KSR2: variants seen among roughly 807,000 people sequenced by gnomAD.
The protein encoded by KSR2 is kinase suppressor of ras 2.
KSR2 carries 25 observed loss-of-function variants against 107.8 expected under a neutral mutation model. The observed-to-expected ratio is 0.23, with a 90% CI of 0.17 to 0.32. The LOEUF (loss-of-function observed/expected upper bound fraction) is 0.32, where lower values mean the gene tolerates loss of function less well. Among genes scored for constraint, KSR2 ranks in the 10% least tolerant of loss-of-function variants. KSR2 has a pLI of 1.00. For synonymous variants in KSR2, 480 were observed against 507.0 expected (o/e 0.95, Z 0.71); for missense variants, 887 against 1,268.9 (o/e 0.70, Z 4.57).
chr12:117,560,373 T>C (rs1015723563), intron 7 of KSR2, among the ~76,000 whole-genome samples: 3 of 151,924 alleles, frequency 2.0e-5, no homozygotes, highest in East Asian at 3.9e-4. Flanking sequence ...GGGCTCTGAA[T>C]TCCTCTCTGA....
intron 4 of KSR2, among the ~76,000 whole-genome samples, chr12:117,730,817 T>G (rs1435570575): frequency 6.6e-6 from 1 of 152,208 alleles, no homozygotes; most frequent in Non-Finnish European, 1.5e-5. Flanking sequence ...GTGCTCAATG[T>G]TGCCCAGGCT....
rs765298787 is a variant in KSR2 at position 117,770,111 on chromosome 12, T to G, written c.473-8587A>C. ...TCCTGGTCTTGGCAGGTGCTAACTC[T>G]GACAGAAAGAAAGCTCAGGGTTATC... On this transcript the variant is annotated intron_variant, in intron 3 of 19. Transcript: ENST00000339824. Among the ~76,000 whole-genome samples, 4 of 152,024 alleles carry G rather than the reference T, an allele frequency of 2.6e-5. No individual in the cohort carries two copies. In the South Asian group the frequency reaches 8.3e-4, roughly 32 times the overall value.
At chr12:117,924,403 T>C (rs1171575646) in intron 1 of KSR2, among the ~76,000 whole-genome samples, 1 of 146,694 alleles carries the variant, frequency 6.8e-6, no homozygotes, top group Non-Finnish European at 1.5e-5. Flanking sequence ...CCGTCTCTAC[T>C]AAAAAAAATA....
intron 4 of KSR2, among the ~76,000 whole-genome samples, chr12:117,671,128 T>C (rs1014651601): frequency 5.3e-5 from 8 of 152,236 alleles, no homozygotes; most frequent in African/African-American, 1.7e-4. Context: ...ATACCCTCTG[T>C]TGCTTTGCCT....
chr12:117,654,429 GT>G lies in KSR2; in HGVS notation c.1171+13044del, dbSNP rs551208251. 4.1e-3 allele frequency among the ~76,000 whole-genome samples: 619 copies of G among 152,298 alleles called. 5 individuals are homozygous for G. The highest frequency in any genetic ancestry group is 0.014 in the African/African-American group (590 of 41,562). On this transcript the variant is annotated intron_variant, in intron 5 of 19. Coordinates refer to ENST00000339824, the MANE Select transcript of KSR2 (RefSeq NM_173598.6). ...GACAGGAAGAGAAGACCAGGGCCTGGTTCACAGATGGTTCTGCACAATACGC... is the reference window on the plus strand; with the variant it reads ...GACAGGAAGAGAAGACCAGGGCCTGGTCACAGATGGTTCTGCACAATACGC...
rs554301787 is a variant in KSR2, at chr12:117,682,660, C to A, written c.987-15002G>T. Among the ~76,000 whole-genome samples, 19 of 152,216 alleles carry A rather than the reference C, an allele frequency of 1.2e-4. No homozygotes were observed. The South Asian group carries it at 3.1e-3, about 25-fold the overall frequency. On this transcript the variant is annotated intron_variant, in intron 4 of 19. Coordinates refer to ENST00000339824, the MANE Select transcript of KSR2 (RefSeq NM_173598.6). ...TCTCAAACTCCCGACCTCGGCTGACCCGCTGCCTCAGCCTCCCAAAGTGCT... is the reference window on the plus strand; with the variant it reads ...TCTCAAACTCCCGACCTCGGCTGACACGCTGCCTCAGCCTCCCAAAGTGCT...
Position 117,968,908 on chromosome 12 carries a change from CTG to C in KSR2, c.-655_-654del. ...CCTCCCCGCGCTGCTGCTGCTGCTGCTGCTGCCGCCGCCGGGCTCCGGGGGTG... is the reference window on the plus strand; with the variant it reads ...CCTCCCCGCGCTGCTGCTGCTGCTGCCTGCCGCCGCCGGGCTCCGGGGGTG... On this transcript the variant is annotated 5_prime_UTR_variant, in exon 1 of 20. It introduces an in-frame stop codon into an upstream open reading frame of the 5' UTR. Transcript: ENST00000339824. The C allele has an allele frequency of 3.9e-6, 1 of 258,296 alleles. No homozygotes were observed. Among genetic ancestry groups the C allele is most frequent in the Non-Finnish European group, 7.7e-6 (1 of 130,258 alleles). The allele number at this position is 258,296 out of a possible 1,614,324, so 16.0% of individuals were successfully genotyped here.
chr12:117,786,922 G>A (rs567819091), intron 3 of KSR2, among the ~76,000 whole-genome samples: 48 of 151,686 alleles, frequency 3.2e-4, no homozygotes, highest in Non-Finnish European at 3.5e-4. Context: ...CCAGCTACTC[G>A]GGAGGCTGAG....
intron 5 of KSR2, among the ~76,000 whole-genome samples, chr12:117,638,492 C>T (rs1350784602): frequency 6.7e-6 from 1 of 148,632 alleles, no homozygotes; most frequent in Non-Finnish European, 1.5e-5. Context: ...TAGCCCTGAA[C>T]GAATCTCAAA....
At chr12:117,637,675 G>GTTGTT (rs1883164645) in intron 5 of KSR2, among the ~76,000 whole-genome samples, 1 of 92,086 alleles carries the variant, frequency 1.1e-5, no homozygotes, top group East Asian at 4.8e-4. Context: ...TCAGTTTTGG[G>GTTGTT]TTTTTTTTTT....
intron 4 of KSR2, among the ~76,000 whole-genome samples, chr12:117,684,487 T>C (rs1885489029): frequency 6.6e-6 from 1 of 152,112 alleles, no homozygotes; most frequent in African/African-American, 2.4e-5. Context: ...GGGGTGGCAC[T>C]CCAGTGGATC....
chr12:117,713,348 CA>C (rs1207883524), intron 4 of KSR2, among the ~76,000 whole-genome samples: 2 of 150,818 alleles, frequency 1.3e-5, no homozygotes, highest in Non-Finnish European at 2.9e-5. Context: ...GCTAAGTAGA[CA>C]GTAGATAGAT....
chr12:117,789,488 A>G lies in KSR2; in HGVS notation c.473-27964T>C, dbSNP rs61937745. ...GAAAACTTACTAGGCAGCTACCACG[A>G]TTCCCTTTTAACTGGTGGCAAAACT... On this transcript the variant is annotated intron_variant, in intron 3 of 19. Transcript: ENST00000339824. Among the ~76,000 whole-genome samples, 1,436 of 152,304 alleles carry G rather than the reference A, an allele frequency of 9.4e-3. 19 individuals are homozygous for G. Among genetic ancestry groups the G allele is most frequent in the Non-Finnish European group, 0.016 (1,060 of 68,016 alleles).
intron 5 of KSR2, among the ~76,000 whole-genome samples, chr12:117,651,771 A>C (rs886367676): frequency 2.0e-5 from 3 of 152,212 alleles, no homozygotes; most frequent in Non-Finnish European, 4.4e-5. Context: ...GGGAGGGTCC[A>C]GAAGATATAC....
rs190698804 is a variant in KSR2, at chr12:117,922,277, G to A, written c.180+45799C>T. 3.1e-3 allele frequency among the ~76,000 whole-genome samples: 471 copies of A among 152,272 alleles called. 2 individuals carry two copies. Among genetic ancestry groups the A allele is most frequent in the African/African-American group, 9.8e-3 (407 of 41,572 alleles). ...TTTAACTTCTTCCCAGAGAAATTCT[G>A]TGAGAAATTCTCCCTAACTGGCTAA... is the stretch of plus-strand genomic sequence containing the variant. On this transcript the variant is annotated intron_variant, in intron 1 of 19. Coordinates refer to ENST00000339824, the MANE Select transcript of KSR2 (RefSeq NM_173598.6).
intron 11 of KSR2, among the ~76,000 whole-genome samples, chr12:117,531,441 C>G (rs1338010698): frequency 6.6e-6 from 1 of 152,280 alleles, no homozygotes; most frequent in East Asian, 1.9e-4. Flanking sequence ...CAGCACTCCA[C>G]CCTCTCAGGC....
In KSR2 at chr12:117,966,649, GCTGT is replaced by G. The variant is rs1368328830; in HGVS notation, c.180+1423_180+1426del. On this transcript the variant is annotated intron_variant, in intron 1 of 19. Transcript: ENST00000339824. ...CACACACACACACACACACACACAT[GCTGT>G]CTCTCTCTTTCTCTCTCTCCCTCCC... Among the ~76,000 whole-genome samples the G allele has an allele frequency of 6.7e-5, 5 of 74,734 alleles. No homozygotes were observed. The East Asian group carries it at 1.3e-3, about 20-fold the overall frequency. 49.0% of individuals were successfully genotyped at this position (74,734 alleles called of 152,430 possible). A position where few individuals can be genotyped will look rare whatever the true frequency, so the allele number is the denominator to read the frequency against.
chr12:117,942,320 G>A (rs1250564892), intron 1 of KSR2, among the ~76,000 whole-genome samples: 2 of 151,820 alleles, frequency 1.3e-5, no homozygotes, highest in Admixed American at 6.6e-5. Flanking sequence ...TCAAACACTC[G>A]ATCTTATTCC....
chr12:117,536,462 T>G lies in KSR2; in HGVS notation c.1687+3257A>C, dbSNP rs187962351. Among the ~76,000 whole-genome samples the G allele has an allele frequency of 2.0e-3, 303 of 152,338 alleles. 1 individual carries two copies. Among genetic ancestry groups the G allele is most frequent in the African/African-American group, 6.7e-3 (277 of 41,572 alleles). On this transcript the variant is annotated intron_variant, in intron 10 of 19. Transcript: ENST00000339824. ...TATTATTATTCGATTCTAAAATGGA[T>G]GCACACTCATATATATCGTAGAAGT...
Sources: allele counts gnomAD v4.1 joint callset (sites outside exome capture counted in the v4.1 genomes callset), GRCh38; gene constraint gnomAD v4.1.1; transcripts MANE v1.5; gene names NCBI Gene and HGNC (gene_info 2026-07-23, HGNC 2026-07-21).